The following B4GALT5 variants were observed in gnomAD, a reference collection of about 807,000 sequenced individuals.
B4GALT5 encodes the protein UDP-Gal:beta-GlcNAc beta-1,4-galactosyltransferase 5.
Under a neutral mutation model 45.0 loss-of-function variants are expected in B4GALT5, and 11 were observed. That is an observed-to-expected ratio of 0.24 (90% CI 0.15 to 0.40). The LOEUF is 0.40. Ranked by LOEUF, B4GALT5 falls within the 10% of genes least tolerant of loss-of-function variation. B4GALT5 has a pLI of 1.00. For missense variants in B4GALT5, 337 were observed against 500.2 expected, an observed-to-expected ratio of 0.67 and a Z score of 3.11; for synonymous variants, 185 against 182.9, an observed-to-expected ratio of 1.01 and a Z score of -0.09.
intron 1 of B4GALT5, among the ~76,000 whole-genome samples, chr20:49,684,338 G>A (rs893012976): frequency 2.0e-5 from 3 of 152,088 alleles, no homozygotes; most frequent in Non-Finnish European, 2.9e-5. Flanking sequence ...TGAGGCAGGC[G>A]GATCACAAGG....
At chr20:49,660,770 G>A (rs1175010322) in intron 1 of B4GALT5, among the ~76,000 whole-genome samples, 4 of 152,166 alleles carry the variant, frequency 2.6e-5, no homozygotes, top group Non-Finnish European at 4.4e-5. Flanking sequence ...AGGATCACTT[G>A]AGGCCAGGAG....
chr20:49,663,664 A>C, intron 1 of B4GALT5, among the ~76,000 whole-genome samples: 3 of 119,768 alleles, frequency 2.5e-5, no homozygotes, highest in Admixed American at 9.6e-5. Context: ...CATAGTGAGA[A>C]TTCATCTCAA....
intron 1 of B4GALT5, among the ~76,000 whole-genome samples, chr20:49,701,120 T>A (rs1481528261): frequency 2.6e-5 from 4 of 152,202 alleles, no homozygotes; most frequent in South Asian, 2.1e-4. Flanking sequence ...CATCACTGTA[T>A]CCTTCAAGTC....
chr20:49,685,229 G>A (rs1279468217), intron 1 of B4GALT5, among the ~76,000 whole-genome samples: 1 of 152,160 alleles, frequency 6.6e-6, no homozygotes, highest in Non-Finnish European at 1.5e-5. Context: ...ACATGACTAA[G>A]AGGCTAACAT....
chr20:49,704,691 C>T (rs2085876984), intron 1 of B4GALT5, among the ~76,000 whole-genome samples: 1 of 150,908 alleles, frequency 6.6e-6, no homozygotes, highest in African/African-American at 2.4e-5. Context: ...TGCACTCCAG[C>T]CTGGGCGACA....
intron 1 of B4GALT5, among the ~76,000 whole-genome samples, chr20:49,687,569 G>A (rs112021344): frequency 2.0e-5 from 3 of 151,978 alleles, no homozygotes; most frequent in Admixed American, 6.6e-5. Context: ...GCTTGAACTC[G>A]GGAGGCGGAG....
chr20:49,694,049 C>A (rs1042512582), intron 1 of B4GALT5, among the ~76,000 whole-genome samples: 1 of 152,172 alleles, frequency 6.6e-6, no homozygotes, highest in Non-Finnish European at 1.5e-5. Context: ...AGTGAGATGA[C>A]CTGATCAACT....
In B4GALT5 at chr20:49,634,634, T is replaced by A. The variant is rs1288418634; in HGVS notation, c.*1678A>T. Reference sequence around the variant, plus strand: ...ATCCCAGCACTTTGGGAAGTCAAGGTGGGCGGATTGCTTGAGTCCAGGAGT... The same window carrying A: ...ATCCCAGCACTTTGGGAAGTCAAGGAGGGCGGATTGCTTGAGTCCAGGAGT... On this transcript the variant is annotated 3_prime_UTR_variant, in exon 9 of 9. Transcript: ENST00000371711. The A allele has an allele frequency of 3.3e-5, 5 of 152,108 alleles. No individual in the cohort carries two copies. The allele number at this position is 152,108 out of a possible 1,614,324, so 9.4% of individuals were successfully genotyped here.
chr20:49,656,461 C>T, intron 2 of B4GALT5, 107 bp downstream of exon 2: 1 of 1,419,572 alleles, frequency 7.0e-7, no homozygotes, highest in Non-Finnish European at 9.6e-7. Flanking sequence ...TCAGCCAAAT[C>T]CCTCTTTTAC....
In B4GALT5 at chr20:49,713,611, G is replaced by T; in HGVS notation, c.80C>A (p.Ser27Ter). ...CGCCACATAGACGAAGTACAGCAGC[G>T]AGGACGAGAGAGAAAAGAAGAAGAG... ...AALFFFSLSS[S>*]LLYFVYVAPG... The change falls in exon 1 of 9, where the codon TCG becomes TAG. Residue 27 changes from serine (S) to a stop codon, truncating the protein, a stop_gained. Coordinates refer to ENST00000371711, the MANE Select transcript of B4GALT5 (RefSeq NM_004776.4). LOFTEE classifies it high-confidence loss of function. The T allele has an allele frequency of 6.3e-7, 1 of 1,589,718 alleles. No homozygotes were observed.
chr20:49,681,274 T>C (rs893419806), intron 1 of B4GALT5, among the ~76,000 whole-genome samples: 2 of 148,928 alleles, frequency 1.3e-5, no homozygotes, highest in Admixed American at 1.3e-4. Flanking sequence ...ATAATAAACT[T>C]AGCCGGAAGG....
intron 1 of B4GALT5, among the ~76,000 whole-genome samples, chr20:49,701,596 G>C (rs559600582): frequency 1.4e-4 from 22 of 152,230 alleles, no homozygotes; most frequent in Non-Finnish European, 2.5e-4. Flanking sequence ...AGGAAGGCAC[G>C]GGGAAACAGA....
intron 1 of B4GALT5, among the ~76,000 whole-genome samples, chr20:49,665,286 T>G (rs2085684739): frequency 6.6e-6 from 1 of 151,312 alleles, no homozygotes; most frequent in Admixed American, 6.6e-5. Context: ...CTGGGCATGA[T>G]GGCGTACTCC....
chr20:49,709,416 T>C (rs2146364286), intron 1 of B4GALT5, among the ~76,000 whole-genome samples: 1 of 152,350 alleles, frequency 6.6e-6, no homozygotes, highest in Non-Finnish European at 1.5e-5. Context: ...TCTCACTTTC[T>C]GTCCCAACCT....
chr20:49,661,740 G>A (rs919727816), intron 1 of B4GALT5, among the ~76,000 whole-genome samples: 3 of 152,224 alleles, frequency 2.0e-5, no homozygotes, highest in Admixed American at 6.5e-5. Flanking sequence ...ATAAGGCAAC[G>A]CTGAATAGAT....
chr20:49,652,218 G>T (rs2085625468), intron 2 of B4GALT5, among the ~76,000 whole-genome samples: 1 of 151,904 alleles, frequency 6.6e-6, no homozygotes, highest in African/African-American at 2.4e-5. Context: ...GCTTGGTATT[G>T]CTACCCTAAT....
At chr20:49,689,558 T>C (rs1487306103) in intron 1 of B4GALT5, among the ~76,000 whole-genome samples, 1 of 152,236 alleles carries the variant, frequency 6.6e-6, no homozygotes. Flanking sequence ...ATACTCACCA[T>C]CTTGATTCCA....
chr20:49,652,310 C>A (rs936429503), intron 2 of B4GALT5, among the ~76,000 whole-genome samples: 3 of 145,460 alleles, frequency 2.1e-5, no homozygotes, highest in Non-Finnish European at 3.0e-5. Context: ...GACCAATGGA[C>A]CCCAGCAAGA....
At chr20:49,653,400 G>A (rs569013027) in intron 2 of B4GALT5, among the ~76,000 whole-genome samples, 7 of 152,306 alleles carry the variant, frequency 4.6e-5, no homozygotes, top group East Asian at 3.9e-4. Flanking sequence ...CACTTAAGAC[G>A]TGCTTTCTTG....
Sources: allele counts gnomAD v4.1 joint callset (sites outside exome capture counted in the v4.1 genomes callset), GRCh38; gene constraint gnomAD v4.1.1; transcripts MANE v1.5; gene names NCBI Gene and HGNC (gene_info 2026-07-23, HGNC 2026-07-21).